The following SGCD variants were observed in gnomAD, a reference collection of about 807,000 sequenced individuals.
SGCD encodes the protein delta-sarcoglycan.
Under a neutral mutation model 36.6 loss-of-function variants are expected in SGCD, and 18 were observed. The ratio of observed to expected loss-of-function variants is 0.49; its 90% CI spans 0.34 to 0.73. The LOEUF is 0.73. Ranked by LOEUF, SGCD falls within the 30% of genes least tolerant of loss-of-function variation. The probability of loss-of-function intolerance (pLI) is 0.01; values close to 1 mark genes in which losing one functional copy is unlikely to be tolerated. For missense variants in SGCD, 387 were observed against 346.7 expected, an observed-to-expected ratio of 1.12 and a Z score of -0.92; for synonymous variants, 133 against 130.6, an observed-to-expected ratio of 1.02 and a Z score of -0.12.
At chr5:156,704,862 A>G (rs1238463712) in intron 7 of SGCD, among the ~76,000 whole-genome samples, 1 of 152,052 alleles carries the variant, frequency 6.6e-6, no homozygotes, top group Non-Finnish European at 1.5e-5. Flanking sequence ...TATGCTCAAA[A>G]TACTGCCATT....
At chr5:156,547,336 CG>C (rs1758615862) in intron 4 of SGCD, among the ~76,000 whole-genome samples, 1 of 152,062 alleles carries the variant, frequency 6.6e-6, no homozygotes, top group Non-Finnish European at 1.5e-5. Flanking sequence ...ACATATCCAT[CG>C]GGGGACAAAA....
At chr5:156,513,544 G>C (rs1467451636) in intron 4 of SGCD, among the ~76,000 whole-genome samples, 2 of 152,140 alleles carry the variant, frequency 1.3e-5, no homozygotes, top group African/African-American at 4.8e-5. Context: ...AAAGAGATCA[G>C]TGTCCAGTTG....
intron 3 of SGCD, among the ~76,000 whole-genome samples, chr5:156,162,728 T>G (rs1446837894): frequency 6.6e-6 from 1 of 151,728 alleles, no homozygotes; most frequent in South Asian, 2.1e-4. Context: ...TGTTCCCTCA[T>G]GTTCCTCTAG....
chr5:155,732,976 T>G, the SGCD span, among the ~76,000 whole-genome samples: 35 of 150,772 alleles, frequency 2.3e-4, no homozygotes, highest in South Asian at 3.1e-3. Flanking sequence ...GCAAGCTCTT[T>G]GAGAAGTATA....
At chr5:156,035,288 G>A (rs930155312) in intron 1 of SGCD, among the ~76,000 whole-genome samples, 2 of 152,122 alleles carry the variant, frequency 1.3e-5, no homozygotes, top group Non-Finnish European at 2.9e-5. Context: ...TAACAGAGTG[G>A]TTAAAACAGT....
intron 1 of SGCD, among the ~76,000 whole-genome samples, chr5:156,085,342 A>G (rs1291416164): frequency 6.6e-6 from 1 of 152,046 alleles, no homozygotes; most frequent in Non-Finnish European, 1.5e-5. Flanking sequence ...CCTCATGGCT[A>G]GGTGCTGTCC....
chr5:156,256,650 C>A (rs1222403945), intron 3 of SGCD, among the ~76,000 whole-genome samples: 1 of 152,144 alleles, frequency 6.6e-6, no homozygotes, highest in African/African-American at 2.4e-5. Context: ...TTTTGATTGA[C>A]ATACATTTTA....
chr5:156,691,858 T>C (rs762280982), intron 7 of SGCD, among the ~76,000 whole-genome samples: 1 of 152,226 alleles, frequency 6.6e-6, no homozygotes, highest in Non-Finnish European at 1.5e-5. Flanking sequence ...AATGTATGTA[T>C]ATTAGCACCA....
At chr5:156,050,865 A>C (rs1759898171) in intron 1 of SGCD, among the ~76,000 whole-genome samples, 1 of 146,448 alleles carries the variant, frequency 6.8e-6, no homozygotes, top group Non-Finnish European at 1.5e-5. Context: ...TTGTGCCTCC[A>C]TTTTACAAGA....
intron 4 of SGCD, among the ~76,000 whole-genome samples, chr5:156,536,711 G>T (rs180823985): frequency 6.6e-6 from 1 of 152,230 alleles, no homozygotes; most frequent in Admixed American, 6.6e-5. Flanking sequence ...TCCACTGAAA[G>T]TTAGTAAAAA....
intron 3 of SGCD, among the ~76,000 whole-genome samples, chr5:156,480,047 GCTGATGC>G (rs201394961): frequency 0.019 from 2,953 of 152,338 alleles, 33 homozygotes; most frequent in Non-Finnish European, 0.032. Context: ...GACTGGGATG[GCTGATGC>G]AACAGCAAGG....
chr5:156,236,009 A>G lies in SGCD; in HGVS notation c.-43-93525A>G, dbSNP rs140504391. Among the ~76,000 whole-genome samples, 10 of 152,336 alleles carry G rather than the reference A, an allele frequency of 6.6e-5. No homozygotes were observed. The East Asian group carries it at 1.7e-3, about 26-fold the overall frequency. On this transcript the variant is annotated intron_variant, in intron 3 of 9. Coordinates refer to the SGCD transcript ENST00000517913. ...ATGTGGTGGATTTTTGTCTTATGAA[A>G]AGAAAAGATATGCATACTTGTTGAT...
intron 6 of SGCD, among the ~76,000 whole-genome samples, chr5:156,630,568 T>C (rs1325950057): frequency 6.6e-6 from 1 of 152,256 alleles, no homozygotes; most frequent in African/African-American, 2.4e-5. Context: ...TGGGTTTTAG[T>C]AATAACTTGT....
At chr5:156,679,610 A>G (rs957188397) in intron 7 of SGCD, among the ~76,000 whole-genome samples, 1 of 152,164 alleles carries the variant, frequency 6.6e-6, no homozygotes, top group Non-Finnish European at 1.5e-5. Context: ...AATTTCCACC[A>G]AAAAGACTAC....
intron 1 of SGCD, among the ~76,000 whole-genome samples, chr5:156,067,772 T>G (rs1485474530): frequency 2.9e-5 from 4 of 136,210 alleles, no homozygotes; most frequent in South Asian, 2.1e-4. Context: ...GCTTCCCAGG[T>G]GAGGCAATGC....
At chr5:155,859,989 C>G in the SGCD span, among the ~76,000 whole-genome samples, 2 of 152,244 alleles carry the variant, frequency 1.3e-5, no homozygotes, top group Non-Finnish European at 2.9e-5. Context: ...TGCAAATCTT[C>G]TTGTCCTTTC....
intron 7 of SGCD, among the ~76,000 whole-genome samples, chr5:156,749,107 T>C (rs1757056047): frequency 6.6e-6 from 1 of 152,116 alleles, no homozygotes; most frequent in Non-Finnish European, 1.5e-5. Context: ...ATGTTCTCTA[T>C]TATAAGATTG....
chr5:155,873,064 T>C (rs1254814498), intron 1 of SGCD, among the ~76,000 whole-genome samples: 3 of 152,150 alleles, frequency 2.0e-5, no homozygotes, highest in Non-Finnish European at 4.4e-5. Flanking sequence ...AATGTAGTTA[T>C]TGCCCCTTCA....
intron 7 of SGCD, among the ~76,000 whole-genome samples, chr5:156,697,225 T>C (rs1754355371): frequency 6.6e-6 from 1 of 152,176 alleles, no homozygotes; most frequent in African/African-American, 2.4e-5. Flanking sequence ...ACACTTTACA[T>C]GGGCAAATTA....
Sources: allele counts gnomAD v4.1 joint callset (sites outside exome capture counted in the v4.1 genomes callset), GRCh38; gene constraint gnomAD v4.1.1; transcripts MANE v1.5; gene names NCBI Gene and HGNC (gene_info 2026-07-23, HGNC 2026-07-21).